STK32C: variants seen among roughly 807,000 people sequenced by gnomAD.
STK32C encodes serine/threonine-protein kinase 32C.
A neutral mutation model predicts 56.5 loss-of-function variants in STK32C; 31 were observed. The observed-to-expected ratio is 0.55, with a 90% confidence interval of 0.41 to 0.74. The LOEUF (loss-of-function observed/expected upper bound fraction) is 0.74, where lower values mean the gene tolerates loss of function less well. STK32C is among the 30% of genes least tolerant of loss of function. The pLI, the probability that STK32C is intolerant of heterozygous loss-of-function variation, is 0.00. For synonymous variants in STK32C, 309 were observed against 289.4 expected (o/e 1.07, Z -0.69); for missense variants, 544 against 676.9 (o/e 0.80, Z 2.18).
rs1314221081 is a variant in STK32C at position 132,224,488 on chromosome 10, C to T, written c.912G>A (p.Glu304=). Residue 304 remains glutamate, a synonymous_variant, in exon 8 of 12, where the codon GAG becomes GAA. Transcript: ENST00000298630. ...PYDIHSSNAV[E]SLVQLFSTVS... ...CGGTGCTGAACAGCTGCACCAGGGA[C>T]TCCACGGCGTTGCTGGAGTGGATGT... 6 of 1,587,540 alleles carry T rather than the reference C, an allele frequency of 3.8e-6. No individual in the cohort carries two copies. Among genetic ancestry groups the T allele is most frequent in the Middle Eastern group, 3.3e-4 (2 of 6,054 alleles).
At chr10:132,315,312 T>G (rs117433297) in intron 1 of STK32C, among the ~76,000 whole-genome samples, 2,969 of 151,542 alleles carry the variant, frequency 0.02, 40 homozygotes, top group Middle Eastern at 0.041. Flanking sequence ...CACTAAGGCC[T>G]GCTGGGGGTT....
intron 1 of STK32C, among the ~76,000 whole-genome samples, chr10:132,315,134 C>CA (rs951381145): frequency 1.2e-4 from 17 of 146,918 alleles, no homozygotes; most frequent in Admixed American, 2.0e-4. Flanking sequence ...AATTCCATCT[C>CA]AAAAAAAAAA....
At chr10:132,224,601 T>C in intron 7 of STK32C, 78 bp from the exon 8 acceptor site, 1 of 1,107,734 alleles carries the variant, frequency 9.0e-7, no homozygotes, top group Non-Finnish European at 1.3e-6. Flanking sequence ...ACAGGTGCCA[T>C]CGCCCTGAGA....
chr10:132,209,686 GGGT>G (rs2062228377), intron 10 of STK32C, among the ~76,000 whole-genome samples: 1 of 152,174 alleles, frequency 6.6e-6, no homozygotes, highest in South Asian at 2.1e-4. Flanking sequence ...GGCGTGGGTG[GGGT>G]GGAGGGGGTG....
intron 2 of STK32C, among the ~76,000 whole-genome samples, chr10:132,229,146 G>A (rs1382825270): frequency 6.6e-6 from 1 of 152,240 alleles, no homozygotes; most frequent in African/African-American, 2.4e-5. Context: ...ACAAAATTGT[G>A]AGCAGCAGAG....
At chr10:132,227,567 TGA>T (rs1273361657) in intron 3 of STK32C, among the ~76,000 whole-genome samples, 2 of 151,602 alleles carry the variant, frequency 1.3e-5, no homozygotes, top group African/African-American at 2.4e-5. Context: ...ATGACGGTGA[TGA>T]GAGTGATGAT....
intron 1 of STK32C, among the ~76,000 whole-genome samples, chr10:132,281,202 C>G (rs1481846606): frequency 6.6e-6 from 1 of 151,678 alleles, no homozygotes; most frequent in Admixed American, 6.6e-5. Context: ...CACACACACA[C>G]ACACACACAC....
chr10:132,229,324 T>C (rs1345303989), intron 2 of STK32C, among the ~76,000 whole-genome samples: 3 of 152,084 alleles, frequency 2.0e-5, no homozygotes, highest in African/African-American at 4.8e-5. Flanking sequence ...GGGCCACAGA[T>C]GGCCCTGGGC....
chr10:132,220,681 G>A (rs1000650041), intron 10 of STK32C, among the ~76,000 whole-genome samples: 1 of 152,206 alleles, frequency 6.6e-6, no homozygotes, highest in African/African-American at 2.4e-5. Context: ...CGAGTTTTAA[G>A]GGAAACATTT....
At position 132,226,635 on chromosome 10, in the gene STK32C, G is replaced by T. The variant is rs143060820; in HGVS notation, c.644+160C>A. On this transcript the variant is annotated intron_variant, in intron 4 of 11. Coordinates refer to ENST00000298630, the MANE Select transcript of STK32C (RefSeq NM_173575.4). ...CACAGCTATGGGGCTGACCTGGTCG[G>T]CACAGGTGCCACAGCTGGGGGCAGG... Among the ~76,000 whole-genome samples, 332 of 152,320 alleles carry T rather than the reference G, an allele frequency of 2.2e-3. 4 individuals are homozygous for T. The highest frequency in any genetic ancestry group is 0.014 in the Middle Eastern group (4 of 294).
At position 132,210,085 on chromosome 10, in the gene STK32C, G is replaced by T. The variant is rs532212367; in HGVS notation, c.1252-984C>A. Among the ~76,000 whole-genome samples, 4 of 152,258 alleles carry T rather than the reference G, an allele frequency of 2.6e-5. No individual in the cohort carries two copies. The South Asian group carries it at 8.3e-4, about 32-fold the overall frequency. On this transcript the variant is annotated intron_variant, in intron 10 of 11. Transcript: ENST00000298630. ...AAAACCCAGTGTTACCATCTTACGGGACCACCCCCCCATGCGATTGGCCAG... is the reference window on the plus strand; with the variant it reads ...AAAACCCAGTGTTACCATCTTACGGTACCACCCCCCCATGCGATTGGCCAG...
intron 2 of STK32C, among the ~76,000 whole-genome samples, chr10:132,230,876 G>A (rs1481386183): frequency 1.3e-5 from 2 of 152,184 alleles, no homozygotes; most frequent in African/African-American, 4.8e-5. Context: ...CAGCTCTTAC[G>A]GGGGAATCTC....
At chr10:132,234,341 C>T (rs926725110) in intron 2 of STK32C, among the ~76,000 whole-genome samples, 2 of 152,198 alleles carry the variant, frequency 1.3e-5, no homozygotes, top group Non-Finnish European at 2.9e-5. Flanking sequence ...CTGGGAGGCA[C>T]CTCCACGTCC....
rs528433908 is a variant in STK32C, at chr10:132,256,414, T to C, written c.263-10459A>G. Among the ~76,000 whole-genome samples, 4 of 152,314 alleles carry C rather than the reference T, an allele frequency of 2.6e-5. No individual in the cohort carries two copies. The South Asian group carries it at 8.3e-4, about 32-fold the overall frequency. On this transcript the variant is annotated intron_variant, in intron 1 of 11. Coordinates refer to ENST00000298630, the MANE Select transcript of STK32C (RefSeq NM_173575.4). ...CTGTGGATCCTGGTCCTGTCTGGTC[T>C]GAAATTGTCTGGAATCATGTTCCGG...
chr10:132,323,708 C>G (rs574818131), downstream of STK32C, among the ~76,000 whole-genome samples: 4 of 152,310 alleles, frequency 2.6e-5, no homozygotes, highest in Non-Finnish European at 4.4e-5. This position sits in a 1 kb window ranked among gnomAD's most constrained non-coding sequence, Gnocchi z 4.8. Flanking sequence ...ATTTTGCACC[C>G]AAGTCTCAAG....
intron 2 of STK32C, among the ~76,000 whole-genome samples, chr10:132,244,566 T>C (rs1418067307): frequency 6.6e-6 from 1 of 152,196 alleles, no homozygotes; most frequent in Non-Finnish European, 1.5e-5. Flanking sequence ...GCCCCTCAGA[T>C]GCCCTCGGCC....
chr10:132,243,461 C>T (rs773696234), intron 2 of STK32C, among the ~76,000 whole-genome samples: 11 of 152,058 alleles, frequency 7.2e-5, no homozygotes, highest in Non-Finnish European at 1.2e-4. Context: ...GCAGGCTGGA[C>T]GAATGTCCAT....
intron 1 of STK32C, among the ~76,000 whole-genome samples, chr10:132,268,447 G>GTC (rs1461622187): frequency 6.1e-5 from 9 of 147,902 alleles, no homozygotes; most frequent in African/African-American, 7.5e-5. Context: ...CTCTATGCCT[G>GTC]TGTGCATGCA....
chr10:132,216,680 G>A (rs1329869487), intron 10 of STK32C, among the ~76,000 whole-genome samples: 1 of 152,198 alleles, frequency 6.6e-6, no homozygotes, highest in Non-Finnish European at 1.5e-5. Context: ...TCCCTCTGCT[G>A]TGTGCAGTCT....
Sources: allele counts gnomAD v4.1 joint callset (sites outside exome capture counted in the v4.1 genomes callset), GRCh38; gene constraint gnomAD v4.1.1; non-coding constraint Gnocchi (gnomAD v3.1); transcripts MANE v1.5; gene names NCBI Gene and HGNC (gene_info 2026-07-23, HGNC 2026-07-21).